Variants in ZNF518A observed in about 807,000 individuals in gnomAD.
ZNF518A encodes the protein zinc finger protein 518.
ZNF518A carries 47 observed loss-of-function variants against 102.7 expected under a neutral mutation model. The observed-to-expected ratio is 0.46, with a 90% confidence interval of 0.36 to 0.58. ZNF518A has a LOEUF of 0.58. ZNF518A is among the 20% of genes least tolerant of loss of function. The probability of loss-of-function intolerance (pLI) is 0.00; values close to 1 mark genes in which losing one functional copy is unlikely to be tolerated. For synonymous variants in ZNF518A, 652 were observed against 594.6 expected, an observed-to-expected ratio of 1.10 and a Z score of -1.40; for missense variants, 1,793 against 1,699.8, an observed-to-expected ratio of 1.05 and a Z score of -0.96.
intron 1 of ZNF518A, among the ~76,000 whole-genome samples, chr10:96,175,895 C>CTTCCTTCCTTCCTTCCT (rs2083201505): frequency 8.0e-6 from 1 of 125,310 alleles, no homozygotes; most frequent in South Asian, 3.8e-4. Context: ...TCCTTCCTTC[C>CTTCCTTCCTTCCTTCCT]TTCCTTCCTT....
In ZNF518A at chr10:96,158,720, G is replaced by C. The variant is rs1554885023; in HGVS notation, c.2398G>C (p.Asp800His). 1 of 1,613,440 alleles carries C rather than the reference G, an allele frequency of 6.2e-7. No homozygotes were observed. Among genetic ancestry groups the C allele is most frequent in the Non-Finnish European group, 8.5e-7 (1 of 1,179,652 alleles). The change falls in exon 6 of 6, where the codon GAC (aspartate) becomes CAC (histidine). Residue 800 changes from aspartate (D) to histidine (H), a missense_variant. By Grantham distance (81) the Asp-to-His change is moderately conservative. Coordinates refer to ENST00000316045, the MANE Select transcript of ZNF518A (RefSeq NM_001330736.2). The part of the protein sequence containing the change: ...VLKIKPDVKQ[D>H]SSNTPNKGLP... ...GAAAATAAAACCTGATGTAAAACAA[G>C]ACTCTAGTAACACTCCAAATAAAGG...
intron 1 of ZNF518A, among the ~76,000 whole-genome samples, chr10:96,192,763 TA>T (rs1331425929): frequency 6.6e-6 from 1 of 152,150 alleles, no homozygotes; most frequent in Non-Finnish European, 1.5e-5. Flanking sequence ...GAAAAATAAT[TA>T]AAGTTTTGAA....
exon 3 of ZNF518A, chr10:96,203,931 A>G (rs2083724623): frequency 1.4e-6 from 1 of 717,486 alleles, no homozygotes; most frequent in Non-Finnish European, 2.5e-6. Context: ...TAAGGAAACA[A>G]GTGGGAGAAG....
intron 3 of ZNF518A, among the ~76,000 whole-genome samples, chr10:96,140,360 A>G (rs1328188406): frequency 6.6e-6 from 1 of 152,178 alleles, no homozygotes; most frequent in South Asian, 2.1e-4. Context: ...GAGAAAAATT[A>G]AACCATTTAT....
Position 96,159,856 on chromosome 10 carries a change from G to C in ZNF518A, c.3534G>C (p.Gln1178His), listed in dbSNP as rs1270814280. The change falls in exon 6 of 6, where the codon CAG becomes CAC. Residue 1178 changes from glutamine (Q) to histidine (H), a missense_variant. By Grantham distance (24) the Gln-to-His change is conservative (BLOSUM62 0). Coordinates refer to ENST00000316045, the MANE Select transcript of ZNF518A (RefSeq NM_001330736.2). ...SLQKDNVPSN[Q>H]IIGGEQKEPE... ...AAAAAGACAACGTACCATCTAATCA[G>C]ATTATAGGAGGAGAGCAGAAAGAGC... The C allele has an allele frequency of 1.2e-6, 2 of 1,613,514 alleles. No homozygotes were observed. The highest frequency in any genetic ancestry group is 2.7e-5 in the African/African-American group (2 of 75,016).
chr10:96,156,978 T>G lies in ZNF518A; in HGVS notation c.656T>G (p.Val219Gly). The G allele has an allele frequency of 6.2e-7, 1 of 1,613,930 alleles. No homozygotes were observed. The highest frequency in any genetic ancestry group is 8.5e-7 in the Non-Finnish European group (1 of 1,179,810). The change falls in exon 6 of 6, where the codon GTT becomes GGT. Residue 219 changes from valine to glycine, a missense_variant. By Grantham distance (109) the Val-to-Gly change is moderately radical. Transcript: ENST00000316045. ...AAGTGTAAGTTCTCCACCCAGGATGTTGGCACATTTGTTCAGCACATTCAT... is the reference window on the plus strand; with the variant it reads ...AAGTGTAAGTTCTCCACCCAGGATGGTGGCACATTTGTTCAGCACATTCAT... ...CEKCKFSTQD[V>G]GTFVQHIHRH...
At chr10:96,176,822 A>C (rs2083207389) in intron 1 of ZNF518A, among the ~76,000 whole-genome samples, 1 of 152,162 alleles carries the variant, frequency 6.6e-6, no homozygotes, top group Admixed American at 6.5e-5. Context: ...ACTTGAACCC[A>C]GGAGGCAGAG....
At chr10:96,204,505 CTGATCTT>C, downstream of ZNF518A, 1 of 1,608,870 alleles carries the variant, frequency 6.2e-7, no homozygotes. Context: ...CAAGAGGAAA[CTGATCTT>C]TAAAGGAAAG....
Position 96,156,361 on chromosome 10 carries a change from A to G in ZNF518A, c.39A>G (p.Lys13=). Residue 13 remains lysine, a synonymous_variant, in exon 6 of 6, where the codon AAA becomes AAG. Coordinates refer to ENST00000316045, the MANE Select transcript of ZNF518A (RefSeq NM_001330736.2). ...SEQKQLFCDE[K]QTTLKKDYDV... ...AGAAACAGTTATTTTGTGATGAAAA[A>G]CAAACTACTTTAAAAAAAGATTATG... 1.3e-6 allele frequency: 2 copies of G among 1,588,970 alleles called. No homozygotes were observed. Among genetic ancestry groups the G allele is most frequent in the South Asian group, 1.2e-5 (1 of 85,266 alleles).
At chr10:96,142,303 A>AGGGG (rs1325912764) in intron 3 of ZNF518A, among the ~76,000 whole-genome samples, 2 of 92,476 alleles carry the variant, frequency 2.2e-5, no homozygotes, top group African/African-American at 7.4e-5. Flanking sequence ...TAATATTCTT[A>AGGGG]GGGTGTGTGT....
chr10:96,187,582 T>C (rs1249384905), intron 1 of ZNF518A, among the ~76,000 whole-genome samples: 1 of 152,230 alleles, frequency 6.6e-6, no homozygotes, highest in Non-Finnish European at 1.5e-5. Context: ...CAATCAGGCT[T>C]GTGCTGGACA....
rs183050430 is a variant in ZNF518A, at chr10:96,180,250, C to T, written n.36-23324C>T. Among the ~76,000 whole-genome samples, 819 of 138,916 alleles carry T rather than the reference C, an allele frequency of 5.9e-3. 6 individuals carry two copies. The highest frequency in any genetic ancestry group is 0.014 in the South Asian group (59 of 4,272). The allele number at this position is 138,916 out of a possible 152,430, so 91.1% of individuals were successfully genotyped here. A position where few individuals can be genotyped will look rare whatever the true frequency, so the allele number is the denominator to read the frequency against. On this transcript the variant is annotated intron_variant and non_coding_transcript_variant, in intron 1 of 2. Coordinates refer to the ZNF518A transcript ENST00000442635. ...ATGTTGCTAAGCCTGGTCTCAAATT[C>T]CTGAATTCAAGTGATCCTCTGCCTT...
intron 1 of ZNF518A, among the ~76,000 whole-genome samples, chr10:96,184,017 T>G (rs1554892288): frequency 6.6e-6 from 1 of 152,220 alleles, no homozygotes; most frequent in Non-Finnish European, 1.5e-5. Flanking sequence ...TGCATATAGA[T>G]TTAGGATAGT....
At position 96,159,656 on chromosome 10, in the gene ZNF518A, C is replaced by G; in HGVS notation, c.3334C>G (p.Pro1112Ala). The G allele has an allele frequency of 6.2e-7, 1 of 1,613,492 alleles. No homozygotes were observed. Among genetic ancestry groups the G allele is most frequent in the Admixed American group, 1.7e-5 (1 of 59,958 alleles). Residue 1112 changes from proline (P) to alanine (A), a missense_variant, in exon 6 of 6, where the codon CCA becomes GCA. Transcript: ENST00000316045. Reference sequence around the variant, plus strand: ...AGCTGTTTTTTTAAAGTGTGTGATGCCAAATAAAACTGAGCTGCTTAAGCC... The same window carrying G: ...AGCTGTTTTTTTAAAGTGTGTGATGGCAAATAAAACTGAGCTGCTTAAGCC... ...KQAVFLKCVM[P>A]NKTELLKPKL...
At chr10:96,194,472 T>A (rs587727217) in intron 1 of ZNF518A, among the ~76,000 whole-genome samples, 114 of 152,194 alleles carry the variant, frequency 7.5e-4, no homozygotes, top group Non-Finnish European at 1.4e-3. Flanking sequence ...ATTAAAAGCA[T>A]AGGCAAAAAA....
intron 1 of ZNF518A, among the ~76,000 whole-genome samples, chr10:96,185,262 C>T (rs1395900942): frequency 6.6e-5 from 10 of 152,150 alleles, no homozygotes; most frequent in African/African-American, 1.7e-4. Flanking sequence ...TCCTTTAGCT[C>T]GGAGAAGTTT....
At chr10:96,141,397 T>C (rs1449714244) in intron 3 of ZNF518A, among the ~76,000 whole-genome samples, 3 of 152,160 alleles carry the variant, frequency 2.0e-5, no homozygotes, top group Non-Finnish European at 4.4e-5. Flanking sequence ...GTGTTGAATT[T>C]AGATAGAAGG....
rs1185799142 is a variant in ZNF518A, at chr10:96,142,317, T to G, written c.-302+8669T>G. On this transcript the variant is annotated intron_variant, in intron 3 of 5. Coordinates refer to ENST00000316045, the MANE Select transcript of ZNF518A (RefSeq NM_001330736.2). ...GTAATATTCTTAGGGTGTGTGTGTG[T>G]GTGTGTGTGTGTGTGTGTGTGTGTG... Among the ~76,000 whole-genome samples the G allele has an allele frequency of 2.8e-3, 330 of 119,210 alleles. 3 individuals are homozygous for G. The highest frequency in any genetic ancestry group is 9.3e-3 in the African/African-American group (281 of 30,290). The allele number at this position is 119,210 out of a possible 152,430, so 78.2% of individuals were successfully genotyped here.
Position 96,157,993 on chromosome 10 carries a change from A to G in ZNF518A, c.1671A>G (p.Ser557=). ...GTGTATCTTCTTTGTCAGCAACATCAGAATTGGTTACAGCATCAGTGAATT... is the reference window on the plus strand; with the variant it reads ...GTGTATCTTCTTTGTCAGCAACATCGGAATTGGTTACAGCATCAGTGAATT... ...EKSVSSLSAT[S]ELVTASVNLT... Residue 557 remains serine, a synonymous_variant, in exon 6 of 6, where the codon TCA becomes TCG. Transcript: ENST00000316045. The G allele has an allele frequency of 2.5e-6, 4 of 1,613,832 alleles. No homozygotes were observed. Among genetic ancestry groups the G allele is most frequent in the Non-Finnish European group, 3.4e-6 (4 of 1,179,784 alleles).
Sources: allele counts gnomAD v4.1 joint callset (sites outside exome capture counted in the v4.1 genomes callset), GRCh38; gene constraint gnomAD v4.1.1; transcripts MANE v1.5; gene names NCBI Gene and HGNC (gene_info 2026-07-23, HGNC 2026-07-21).